The following PRDM5 variants were observed in gnomAD, a reference collection of about 807,000 sequenced individuals.
PRDM5 encodes the protein PR/SET domain 5.
A neutral mutation model predicts 81.2 loss-of-function variants in PRDM5; 56 were observed. The ratio of observed to expected loss-of-function variants is 0.69; its 90% CI spans 0.56 to 0.86. The LOEUF (loss-of-function observed/expected upper bound fraction) is 0.86, where lower values mean the gene tolerates loss of function less well. Ranked by LOEUF, PRDM5 falls within the 40% of genes least tolerant of loss-of-function variation. The probability of loss-of-function intolerance (pLI) is 0.00; values close to 1 mark genes in which losing one functional copy is unlikely to be tolerated. For synonymous variants in PRDM5, 267 were observed against 256.4 expected (o/e 1.04, Z -0.39); for missense variants, 697 against 770.1 (o/e 0.91, Z 1.12).
chr4:120,706,988 A>G (rs1354128179), intron 15 of PRDM5, among the ~76,000 whole-genome samples: 1 of 142,460 alleles, frequency 7.0e-6, no homozygotes, highest in East Asian at 2.0e-4. Context: ...GCTACCAAAC[A>G]TTTAAAGAAG....
intron 15 of PRDM5, among the ~76,000 whole-genome samples, chr4:120,704,631 C>T (rs1735843381): frequency 6.6e-6 from 1 of 152,166 alleles, no homozygotes; most frequent in Non-Finnish European, 1.5e-5. Context: ...TGACAAAGAA[C>T]ACACTGTCTA....
At position 120,694,514 on chromosome 4, in the gene PRDM5, C is replaced by A. The variant is rs931004568; in HGVS notation, c.*597G>T. 1 of 152,488 alleles carries A rather than the reference C, an allele frequency of 6.6e-6. No individual in the cohort carries two copies. The highest frequency in any genetic ancestry group is 1.5e-5 in the Non-Finnish European group (1 of 68,300). The allele number at this position is 152,488 out of a possible 1,614,324, so 9.4% of individuals were successfully genotyped here. On this transcript the variant is annotated 3_prime_UTR_variant, in exon 16 of 16. Transcript: ENST00000264808. ...TTAGTTATCAAATATCTATTTTAAA[C>A]TCATTTGTTGCACAGAGCTATTAGA...
intron 1 of PRDM5, among the ~76,000 whole-genome samples, chr4:120,914,311 C>A (rs562322382): frequency 2.6e-5 from 4 of 151,268 alleles, no homozygotes; most frequent in Admixed American, 2.6e-4. Context: ...GTGAAAACTA[C>A]GAACAGATAA....
intron 1 of PRDM5, among the ~76,000 whole-genome samples, chr4:120,917,370 C>A (rs1724304456): frequency 6.6e-6 from 1 of 151,926 alleles, no homozygotes; most frequent in African/African-American, 2.4e-5. Flanking sequence ...GTATAGCATC[C>A]CACACACACA....
chr4:120,761,572 G>T (rs553503546), intron 13 of PRDM5, among the ~76,000 whole-genome samples: 1 of 152,274 alleles, frequency 6.6e-6, no homozygotes, highest in East Asian at 1.9e-4. Flanking sequence ...AAGAAAATTT[G>T]TGAAGGCAGT....
intron 5 of PRDM5, chr4:120,818,129 T>C: frequency 1.9e-6 from 1 of 516,688 alleles, no homozygotes; most frequent in Non-Finnish European, 3.5e-6. Context: ...AGTGTTTATG[T>C]GTTAAAATCC....
chr4:120,915,157 A>G (rs1314981581), intron 1 of PRDM5, among the ~76,000 whole-genome samples: 1 of 152,220 alleles, frequency 6.6e-6, no homozygotes, highest in Non-Finnish European at 1.5e-5. Flanking sequence ...TAAAAAATAT[A>G]TAAAAGTTCA....
intron 3 of PRDM5, among the ~76,000 whole-genome samples, chr4:120,830,705 T>A (rs962552182): frequency 6.6e-6 from 1 of 152,060 alleles, no homozygotes; most frequent in Non-Finnish European, 1.5e-5. Flanking sequence ...TCAGAGTGCA[T>A]TAATCAGGTC....
Position 120,848,198 on chromosome 4 carries a change from TA to T in PRDM5, c.300+5219del, listed in dbSNP as rs1051586910. Among the ~76,000 whole-genome samples, 7 of 152,094 alleles carry T rather than the reference TA, an allele frequency of 4.6e-5. No individual in the cohort carries two copies. The South Asian group carries it at 1.2e-3, about 27-fold the overall frequency. ...ATGGATTAAGGACAGTTTGGGAACA[TA>T]AAAAAATCAAGGGATACATAACATA... On this transcript the variant is annotated intron_variant, in intron 3 of 15. Coordinates refer to ENST00000264808, the MANE Select transcript of PRDM5 (RefSeq NM_018699.4).
chr4:120,759,734 T>C (rs1034679047), intron 13 of PRDM5, among the ~76,000 whole-genome samples: 2 of 152,192 alleles, frequency 1.3e-5, no homozygotes, highest in African/African-American at 4.8e-5. Context: ...TGATCCAACT[T>C]CAAATAACGA....
intron 15 of PRDM5, among the ~76,000 whole-genome samples, chr4:120,701,169 A>AG (rs1301373770): frequency 6.6e-6 from 1 of 151,918 alleles, no homozygotes; most frequent in African/African-American, 2.4e-5. Context: ...GAGGTAAAAA[A>AG]AAAACAACAG....
intron 14 of PRDM5, among the ~76,000 whole-genome samples, chr4:120,716,096 G>A (rs1422284713): frequency 6.6e-6 from 1 of 152,122 alleles, no homozygotes; most frequent in African/African-American, 2.4e-5. Flanking sequence ...ATTAATCATT[G>A]CTTTAGCTGA....
chr4:120,816,321 G>T, intron 7 of PRDM5, 132 bp downstream of exon 7: 2 of 1,454,898 alleles, frequency 1.4e-6, no homozygotes, highest in Non-Finnish European at 1.9e-6. Flanking sequence ...AAAATCCACT[G>T]CCAGCGCTCC....
At chr4:120,908,184 T>A (rs900286238) in intron 1 of PRDM5, among the ~76,000 whole-genome samples, 1 of 152,198 alleles carries the variant, frequency 6.6e-6, no homozygotes, top group African/African-American at 2.4e-5. Flanking sequence ...AATCTGGAAA[T>A]GGGCTGTCCT....
chr4:120,756,324 T>A (rs1744734219), intron 13 of PRDM5, among the ~76,000 whole-genome samples: 1 of 152,168 alleles, frequency 6.6e-6, no homozygotes, highest in Admixed American at 6.5e-5. Context: ...TATCCTTTGG[T>A]CTTATGCATG....
chr4:120,769,149 C>G (rs1746851938), intron 13 of PRDM5, among the ~76,000 whole-genome samples: 1 of 152,194 alleles, frequency 6.6e-6, no homozygotes, highest in African/African-American at 2.4e-5. Context: ...TACTATCATA[C>G]AGGTAATGCA....
At chr4:120,891,022 A>C (rs1763986391) in intron 2 of PRDM5, among the ~76,000 whole-genome samples, 1 of 152,124 alleles carries the variant, frequency 6.6e-6, no homozygotes. Context: ...ATTGGTTATC[A>C]CATCTTCATC....
intron 13 of PRDM5, among the ~76,000 whole-genome samples, chr4:120,769,111 TTCTCAC>T (rs1205675429): frequency 1.1e-4 from 16 of 152,332 alleles, no homozygotes; most frequent in Middle Eastern, 3.4e-3. Flanking sequence ...AATCTGGAAC[TTCTCAC>T]TCTGAACCCA....
At chr4:120,877,325 A>G (rs2148566061) in intron 2 of PRDM5, among the ~76,000 whole-genome samples, 1 of 152,286 alleles carries the variant, frequency 6.6e-6, no homozygotes, top group Non-Finnish European at 1.5e-5. Context: ...GTACCACATC[A>G]CTTAGGTTGA....
Sources: allele counts gnomAD v4.1 joint callset (sites outside exome capture counted in the v4.1 genomes callset), GRCh38; gene constraint gnomAD v4.1.1; transcripts MANE v1.5; gene names NCBI Gene and HGNC (gene_info 2026-07-23, HGNC 2026-07-21).